The following RBFOX3 variants were observed in gnomAD, a reference collection of about 807,000 sequenced individuals.
RBFOX3 encodes the protein RNA binding protein fox-1 homolog 3.
Under a neutral mutation model 48.7 loss-of-function variants are expected in RBFOX3, and 17 were observed. The ratio of observed to expected loss-of-function variants is 0.35; its 90% confidence interval spans 0.24 to 0.52. RBFOX3 has a LOEUF of 0.52. RBFOX3 is among the 20% of genes least tolerant of loss of function. The pLI is 0.94. For synonymous variants in RBFOX3, 212 were observed against 209.5 expected, an observed-to-expected ratio of 1.01 and a Z score of -0.10; for missense variants, 382 against 497.5, an observed-to-expected ratio of 0.77 and a Z score of 2.21.
At chr17:79,419,128 C>A (rs1283794062) in intron 2 of RBFOX3, among the ~76,000 whole-genome samples, 5 of 152,202 alleles carry the variant, frequency 3.3e-5, no homozygotes, top group Non-Finnish European at 7.3e-5. Context: ...TTTCCCCACG[C>A]CCCCTCCTCA....
rs768641774 is a variant in RBFOX3, at chr17:79,199,600, A to G, written c.-34+36166T>C. On this transcript the variant is annotated intron_variant, in intron 4 of 14. Transcript: ENST00000693108. The surrounding 1 kb of genome is among the most constrained non-coding windows in gnomAD (Gnocchi z 5.1). ...TGGTTTGGTCCCAGTTCAAGAAGTA[A>G]TTAGATATGCTCTCAAAGAAGTCCC... Among the ~76,000 whole-genome samples the G allele has an allele frequency of 3.3e-5, 5 of 152,194 alleles. No individual in the cohort carries two copies. Among genetic ancestry groups the G allele is most frequent in the Non-Finnish European group, 7.3e-5 (5 of 68,028 alleles).
intron 2 of RBFOX3, among the ~76,000 whole-genome samples, chr17:79,382,448 G>A (rs1322802815): frequency 6.6e-6 from 1 of 152,260 alleles, no homozygotes; most frequent in Non-Finnish European, 1.5e-5. Flanking sequence ...AGCAGCCTGT[G>A]TTGGGCGGCA....
Position 79,361,438 on chromosome 17 carries a change from G to A in RBFOX3, c.-174-53614C>T, listed in dbSNP as rs1419327413. On this transcript the variant is annotated intron_variant, in intron 2 of 14. Coordinates refer to ENST00000693108, the MANE Select transcript of RBFOX3 (RefSeq NM_001350451.2). The surrounding 1 kb of genome is among the most constrained non-coding windows in gnomAD (Gnocchi z 4.5). Reference sequence around the variant, plus strand: ...TCTCAGATGCTGGGAGGACCCTCACGGTGGCCCTTGGTTACTGGAGTCACC... The same window carrying A: ...TCTCAGATGCTGGGAGGACCCTCACAGTGGCCCTTGGTTACTGGAGTCACC... 2.0e-5 allele frequency among the ~76,000 whole-genome samples: 3 copies of A among 152,174 alleles called. No homozygotes were observed. The highest frequency in any genetic ancestry group is 1.9e-4 in the East Asian group (1 of 5,188).
At chr17:79,539,099 C>A (rs1009958870) in intron 1 of RBFOX3, among the ~76,000 whole-genome samples, 6 of 152,134 alleles carry the variant, frequency 3.9e-5, no homozygotes, top group Non-Finnish European at 4.4e-5. Context: ...TGCCTGTAAC[C>A]CCAGCACTTT....
At chr17:79,344,239 G>A (rs187951641) in intron 2 of RBFOX3, among the ~76,000 whole-genome samples, 31 of 152,224 alleles carry the variant, frequency 2.0e-4, no homozygotes, top group Admixed American at 3.9e-4. Context: ...AGTAAAAAAT[G>A]CAAATATATC....
At chr17:79,472,111 G>T (rs1297085857) in intron 2 of RBFOX3, among the ~76,000 whole-genome samples, 1 of 152,168 alleles carries the variant, frequency 6.6e-6, no homozygotes, top group African/African-American at 2.4e-5. Flanking sequence ...GGGCAGGAAG[G>T]TGGGGTGGGG....
intron 4 of RBFOX3, among the ~76,000 whole-genome samples, chr17:79,192,437 A>C (rs1018010711): frequency 3.9e-5 from 6 of 152,240 alleles, no homozygotes; most frequent in Non-Finnish European, 7.3e-5. Flanking sequence ...CAGGTCACCA[A>C]ACTCGGGAGC....
At position 79,316,153 on chromosome 17, in the gene RBFOX3, AGAG is replaced by A. The variant is rs950260804; in HGVS notation, c.-174-8332_-174-8330del. Among the ~76,000 whole-genome samples the A allele has an allele frequency of 2.2e-3, 326 of 151,200 alleles. 1 individual carries two copies. Among genetic ancestry groups the A allele is most frequent in the African/African-American group, 7.5e-3 (309 of 41,318 alleles). On this transcript the variant is annotated intron_variant, in intron 2 of 14. Transcript: ENST00000693108. ...GAGAGGGCGGGAGAGGCTGCGCGGA[AGAG>A]GAGAAGGGGTGGCTGGTGATGGTGG...
intron 2 of RBFOX3, among the ~76,000 whole-genome samples, chr17:79,374,538 TTTGC>T (rs1358703178): frequency 6.6e-6 from 1 of 152,222 alleles, no homozygotes; most frequent in African/African-American, 2.4e-5. Context: ...GCTTTCAACA[TTTGC>T]TTTAATTTAA....
intron 3 of RBFOX3, among the ~76,000 whole-genome samples, chr17:79,288,488 C>A (rs2072508181): frequency 6.6e-6 from 1 of 151,676 alleles, no homozygotes; most frequent in Admixed American, 6.6e-5. Flanking sequence ...CCCCCCCCAG[C>A]CCGGCTTCCA....
rs984691716 is a variant in RBFOX3, at chr17:79,244,742, TTTCC to T, written c.-73-8941_-73-8938del. Reference sequence around the variant, plus strand: ...TCTTTCCTCTTTCTTCTCCCATTCCTTTCCTTCCTTCCTTCCTTTTCTTCCTTCC... The same window carrying T: ...TCTTTCCTCTTTCTTCTCCCATTCCTTTCCTTCCTTCCTTTTCTTCCTTCC... On this transcript the variant is annotated intron_variant, in intron 3 of 14. Coordinates refer to ENST00000693108, the MANE Select transcript of RBFOX3 (RefSeq NM_001350451.2). 1.3e-4 allele frequency among the ~76,000 whole-genome samples: 11 copies of T among 83,914 alleles called. 1 individual carries two copies. The highest frequency in any genetic ancestry group is 4.5e-4 in the South Asian group (1 of 2,204). The allele number at this position is 83,914 out of a possible 152,430, so 55.1% of individuals were successfully genotyped here.
At chr17:79,520,325 G>A (rs1417030253) in intron 1 of RBFOX3, among the ~76,000 whole-genome samples, 1 of 152,232 alleles carries the variant, frequency 6.6e-6, no homozygotes, top group Non-Finnish European at 1.5e-5. Context: ...CTGGGGACGT[G>A]CAGGGCAGCT....
In RBFOX3 at chr17:79,355,788, C is replaced by T. The variant is rs577897904; in HGVS notation, c.-174-47964G>A. Among the ~76,000 whole-genome samples the T allele has an allele frequency of 6.2e-4, 94 of 152,116 alleles. 1 individual carries two copies. The highest frequency in any genetic ancestry group is 2.2e-4 in the Non-Finnish European group (15 of 68,032). On this transcript the variant is annotated intron_variant, in intron 2 of 14. Coordinates refer to ENST00000693108, the MANE Select transcript of RBFOX3 (RefSeq NM_001350451.2). ...TAGAGATGGGATTTCACCATGTTGG[C>T]CAGGCTGGTCTTGAACTCCTGACCT...
chr17:79,579,085 G>T, intron 1 of RBFOX3, among the ~76,000 whole-genome samples: 1 of 152,312 alleles, frequency 6.6e-6, no homozygotes, highest in East Asian at 1.9e-4. Flanking sequence ...GAACAGGACG[G>T]GCCTTTGTGC....
intron 2 of RBFOX3, among the ~76,000 whole-genome samples, chr17:79,427,417 C>T (rs1253402215): frequency 1.3e-5 from 2 of 152,236 alleles, no homozygotes; most frequent in South Asian, 2.1e-4. Flanking sequence ...CTGCAGGGGG[C>T]CTTCCCGGGC....
At chr17:79,432,910 A>G (rs2068721006) in intron 2 of RBFOX3, among the ~76,000 whole-genome samples, 1 of 152,236 alleles carries the variant, frequency 6.6e-6, no homozygotes, top group South Asian at 2.1e-4. Context: ...ACTTGGTGAC[A>G]GCGTGAAAGA....
chr17:79,324,158 C>T (rs979529283), intron 2 of RBFOX3, among the ~76,000 whole-genome samples: 1 of 152,154 alleles, frequency 6.6e-6, no homozygotes, highest in South Asian at 2.1e-4. Context: ...GGCCTCCCTG[C>T]AATAGGAAAG....
At chr17:79,178,080 G>A (rs1234990829) in intron 4 of RBFOX3, among the ~76,000 whole-genome samples, 2 of 152,060 alleles carry the variant, frequency 1.3e-5, no homozygotes, top group Non-Finnish European at 2.9e-5. Flanking sequence ...GTCCAGGGCC[G>A]GAGCTTTCTC....
chr17:79,367,600 T>C (rs372976673), intron 2 of RBFOX3, among the ~76,000 whole-genome samples: 4 of 152,122 alleles, frequency 2.6e-5, no homozygotes, highest in African/African-American at 9.6e-5. Context: ...ATTGCAAAAG[T>C]CAGATTTACT....
Sources: gnomAD v4.1 joint callset for allele counts (sites outside exome capture counted in the v4.1 genomes callset) on GRCh38, gnomAD v4.1.1 for gene constraint, Gnocchi (gnomAD v3.1) non-coding constraint, MANE v1.5 for transcripts, NCBI Gene and HGNC (gene_info 2026-07-23, HGNC 2026-07-21) for gene names.